Variants in OPHN1 observed in about 807,000 individuals in gnomAD.
The protein encoded by OPHN1 is oligophrenin-1.
OPHN1 carries 11 observed loss-of-function variants against 60.7 expected under a neutral mutation model. The ratio of observed to expected loss-of-function variants is 0.18; its 90% CI spans 0.11 to 0.30. The LOEUF is 0.30. OPHN1 is among the 10% of genes least tolerant of loss of function. The pLI is 1.00. For missense variants in OPHN1, 449 were observed against 611.0 expected (o/e 0.73, Z 2.80); for synonymous variants, 226 against 222.6 (o/e 1.02, Z -0.14).
At chrX:68,225,652 C>A (rs1449218115) in intron 6 of OPHN1, among the ~76,000 whole-genome samples, 1 of 112,326 alleles carries the variant, frequency 8.9e-6, no homozygotes, top group Non-Finnish European at 1.9e-5. Flanking sequence ...AGACCTGCAG[C>A]TGATGGTCCT....
At chrX:68,290,888 G>A (rs760264141) in intron 3 of OPHN1, among the ~76,000 whole-genome samples, 1 of 111,638 alleles carries the variant, frequency 9.0e-6, no homozygotes, top group South Asian at 3.8e-4. Flanking sequence ...GAATTAGATA[G>A]TGTACACAAA....
intron 2 of OPHN1, among the ~76,000 whole-genome samples, chrX:68,367,536 T>A (rs2078505825): frequency 9.0e-6 from 1 of 111,261 alleles, no homozygotes; most frequent in Non-Finnish European, 1.9e-5. Flanking sequence ...TCTAGCACAG[T>A]GGCATTTTTT....
At chrX:68,418,247 T>C (rs2078808917) in intron 2 of OPHN1, among the ~76,000 whole-genome samples, 2 of 111,545 alleles carry the variant, frequency 1.8e-5, no homozygotes, top group Admixed American at 1.9e-4. Flanking sequence ...AGAGCAGGGA[T>C]GGCTGGCTAG....
At chrX:68,049,757 C>A (rs1397727392) in intron 23 of OPHN1, among the ~76,000 whole-genome samples, 1 of 111,960 alleles carries the variant, frequency 8.9e-6, no homozygotes, top group Non-Finnish European at 1.9e-5. Flanking sequence ...GATCTGGCTC[C>A]AATCCATCTT....
In OPHN1 at chrX:68,151,891, G is replaced by A. The variant is rs779781627; in HGVS notation, c.1277-32559C>T. On this transcript the variant is annotated intron_variant, in intron 15 of 24. Transcript: ENST00000355520. ...GTTCCACAGGCTGTACAGAAAGCAT[G>A]GCAGCATCTGCTTCTGGGGAGGCCT... Among the ~76,000 whole-genome samples, 36 of 111,597 alleles carry A rather than the reference G, an allele frequency of 3.2e-4. No homozygotes were observed. The South Asian group carries it at 3.5e-3, about 11-fold the overall frequency.
intron 5 of OPHN1, among the ~76,000 whole-genome samples, chrX:68,268,104 A>G (rs2077942716): frequency 9.0e-6 from 1 of 111,515 alleles, no homozygotes; most frequent in African/African-American, 3.3e-5. Flanking sequence ...TACAGAATAC[A>G]GAGGTACAGA....
chrX:68,224,712 C>A (rs2077681003), intron 6 of OPHN1, among the ~76,000 whole-genome samples: 2 of 111,777 alleles, frequency 1.8e-5, no homozygotes, highest in Admixed American at 9.5e-5. Flanking sequence ...CCAAAGTAAG[C>A]AGAAAATAAG....
intron 9 of OPHN1, among the ~76,000 whole-genome samples, chrX:68,209,464 G>T (rs778829819): frequency 8.9e-6 from 1 of 111,858 alleles, no homozygotes; most frequent in South Asian, 3.8e-4. Context: ...CACTCAGGAG[G>T]CTGAGGTAGG....
chrX:68,295,583 A>C (rs892652441), intron 3 of OPHN1, among the ~76,000 whole-genome samples: 1 of 112,909 alleles, frequency 8.9e-6, no homozygotes, highest in Non-Finnish European at 1.9e-5. Flanking sequence ...CTTTGGTTAC[A>C]GAGACATAGA....
chrX:68,433,229 G>A lies in OPHN1; in HGVS notation c.-66C>T. ...CCGGACAGAGAACAGGCGCCCCGGC[G>A]ATGGCTTCAGGGCCAGGGAGAGCTA... is the stretch of plus-strand genomic sequence containing the variant. On this transcript the variant is annotated 5_prime_UTR_variant, in exon 1 of 25. Transcript: ENST00000355520. 2.4e-6 allele frequency: 1 copy of A among 424,597 alleles called. No homozygotes were observed. The highest frequency in any genetic ancestry group is 4.2e-5 in the Admixed American group (1 of 23,639). 35.0% of individuals were successfully genotyped at this position (424,597 alleles called of 1,213,427 possible). A position where few individuals can be genotyped will look rare whatever the true frequency, so the allele number is the denominator to read the frequency against.
intron 2 of OPHN1, among the ~76,000 whole-genome samples, chrX:68,331,730 CAAAAA>C (rs1158512927): frequency 2.5e-5 from 1 of 39,340 alleles, no homozygotes; most frequent in Non-Finnish European, 5.0e-5. Flanking sequence ...GACTCTGTAT[CAAAAA>C]AAAAAAAAAA....
Position 68,212,360 on chromosome X carries a change from G to A in OPHN1, c.598-148C>T, listed in dbSNP as rs763331785. 3 of 458,814 alleles carry A rather than the reference G, an allele frequency of 6.5e-6. No individual in the cohort carries two copies. The African/African-American group carries it at 7.2e-5, about 11-fold the overall frequency. 37.8% of individuals were successfully genotyped at this position (458,814 alleles called of 1,213,427 possible). ...CCTGCACTTTGGGAGGCCGAGGCGG[G>A]CAGATCGTGAGGTCAGGAGTTTGAG... On this transcript the variant is annotated intron_variant, in intron 7 of 24. Coordinates refer to ENST00000355520, the MANE Select transcript of OPHN1 (RefSeq NM_002547.3).
rs965414857 is a variant in OPHN1, at chrX:68,174,036, G to A, written c.1276+18883C>T. Among the ~76,000 whole-genome samples, 50 of 111,647 alleles carry A rather than the reference G, an allele frequency of 4.5e-4. 1 individual carries two copies. The highest frequency in any genetic ancestry group is 1.7e-4 in the Non-Finnish European group (9 of 53,146). On this transcript the variant is annotated intron_variant, in intron 15 of 24. Coordinates refer to ENST00000355520, the MANE Select transcript of OPHN1 (RefSeq NM_002547.3). The stretch of plus-strand genomic sequence containing the variant: ...GGGTTAGTTCATTTTTTGAAAAATC[G>A]CTGAGATTTCTGCACTTTTGTGAAT...
intron 9 of OPHN1, among the ~76,000 whole-genome samples, chrX:68,208,386 G>A (rs779777083): frequency 2.7e-5 from 3 of 111,649 alleles, no homozygotes; most frequent in South Asian, 3.8e-4. Flanking sequence ...CACTGTGCCC[G>A]GCCATTCCTC....
At chrX:68,202,347 C>T (rs2077538557) in intron 10 of OPHN1, among the ~76,000 whole-genome samples, 1 of 111,785 alleles carries the variant, frequency 8.9e-6, no homozygotes, top group Non-Finnish European at 1.9e-5. Context: ...CCACTTTAGT[C>T]CTGTAGGTAA....
At chrX:68,163,596 A>G (rs1036016030) in intron 15 of OPHN1, among the ~76,000 whole-genome samples, 1 of 111,375 alleles carries the variant, frequency 9.0e-6, no homozygotes, top group African/African-American at 3.3e-5. Flanking sequence ...CTTTGGGTAT[A>G]TAACCAGAAG....
chrX:68,294,835 A>C (rs2078087090), intron 3 of OPHN1, among the ~76,000 whole-genome samples: 1 of 111,946 alleles, frequency 8.9e-6, no homozygotes, highest in Non-Finnish European at 1.9e-5. Context: ...GTCTATATAA[A>C]GTGCTTACAA....
intron 6 of OPHN1, among the ~76,000 whole-genome samples, chrX:68,227,580 C>T (rs959223029): frequency 1.8e-5 from 2 of 111,643 alleles, no homozygotes; most frequent in African/African-American, 3.3e-5. Context: ...TGCAATCAAA[C>T]TAGAACTCAG....
At chrX:68,277,387 G>T in intron 4 of OPHN1, among the ~76,000 whole-genome samples, 1 of 112,649 alleles carries the variant, frequency 8.9e-6, no homozygotes, top group Middle Eastern at 4.6e-3. Flanking sequence ...ACAGGCCACA[G>T]ACTGGTGCCC....
Sources: gnomAD v4.1 joint callset for allele counts (sites outside exome capture counted in the v4.1 genomes callset) on GRCh38, gnomAD v4.1.1 for gene constraint, MANE v1.5 for transcripts, NCBI Gene and HGNC (gene_info 2026-07-23, HGNC 2026-07-21) for gene names.